The following DOCK8 variants were observed in gnomAD, a reference collection of about 807,000 sequenced individuals.
The protein encoded by DOCK8 is dedicator of cytokinesis 8, also known as dedicator of cytokinesis protein 8.
In DOCK8, 141 loss-of-function variants were observed where a neutral mutation model predicts 245.6. That is an observed-to-expected ratio of 0.57 (90% confidence interval 0.50 to 0.66). The LOEUF is 0.66. Ranked by LOEUF, DOCK8 falls within the 30% of genes least tolerant of loss-of-function variation. The pLI, the probability that DOCK8 is intolerant of heterozygous loss-of-function variation, is 0.00. For missense variants in DOCK8, 2,965 were observed against 2,603.4 expected (o/e 1.14, Z -3.02); for synonymous variants, 1,168 against 970.2 (o/e 1.20, Z -3.79).
chr9:431,323 A>G (rs1041768761), intron 36 of DOCK8, among the ~76,000 whole-genome samples: 1 of 152,184 alleles, frequency 6.6e-6, no homozygotes, highest in Non-Finnish European at 1.5e-5. Flanking sequence ...AGTGATATAT[A>G]AAGATAAATT....
chr9:344,061 AC>A (rs2051745288), intron 14 of DOCK8, among the ~76,000 whole-genome samples: 1 of 152,076 alleles, frequency 6.6e-6, no homozygotes, highest in African/African-American at 2.4e-5. Flanking sequence ...TGAGAAACAG[AC>A]CCACAAATAC....
chr9:421,085 T>C lies in DOCK8; in HGVS notation c.4153+7T>C. The C allele has an allele frequency of 6.2e-7, 1 of 1,613,908 alleles. No individual in the cohort carries two copies. The highest frequency in any genetic ancestry group is 8.5e-7 in the Non-Finnish European group (1 of 1,180,022). ...ATGCGCCGCCGGGCTCCAGGTGTGT[T>C]GGACTGGCCCTTCCCTGCTCTCTGT... is the stretch of plus-strand genomic sequence containing the variant. On this transcript the variant is annotated splice_region_variant and intron_variant, in intron 32 of 47. Transcript: ENST00000432829.
At chr9:234,014 T>G (rs1018880634) in intron 1 of DOCK8, among the ~76,000 whole-genome samples, 1 of 152,318 alleles carries the variant, frequency 6.6e-6, no homozygotes, top group African/African-American at 2.4e-5. Context: ...CAATTTGGCA[T>G]GTTTTTGCAG....
intron 2 of DOCK8, among the ~76,000 whole-genome samples, chr9:276,552 A>G (rs1225903741): frequency 6.6e-6 from 1 of 152,162 alleles, no homozygotes; most frequent in Admixed American, 6.5e-5. Context: ...TTGGTTTTCT[A>G]GATGTGATGA....
chr9:343,234 T>TTTGGGA (rs1435121304), intron 14 of DOCK8, among the ~76,000 whole-genome samples: 2 of 152,258 alleles, frequency 1.3e-5, no homozygotes, highest in East Asian at 3.9e-4. Context: ...ACACAGTGGC[T>TTTGGGA]CACACTGTAA....
chr9:386,793 C>G (rs2053974883), intron 23 of DOCK8, among the ~76,000 whole-genome samples: 1 of 152,240 alleles, frequency 6.6e-6, no homozygotes, highest in African/African-American at 2.4e-5. Context: ...ATTTTGAGAA[C>G]CACTGCATTG....
intron 2 of DOCK8, among the ~76,000 whole-genome samples, chr9:283,873 A>C (rs2048700579): frequency 6.6e-6 from 1 of 152,210 alleles, no homozygotes; most frequent in African/African-American, 2.4e-5. Context: ...TGGATGTCTC[A>C]TTTTGTATAT....
chr9:216,883 A>G (rs962688213), intron 1 of DOCK8, among the ~76,000 whole-genome samples: 2 of 152,138 alleles, frequency 1.3e-5, no homozygotes, highest in Admixed American at 1.3e-4. Context: ...GGGGTTAAGA[A>G]TAAAGGCCCT....
rs1288383389 is a variant in DOCK8, at chr9:452,042, C to G, written c.5993C>G (p.Ala1998Gly). The change falls in exon 46 of 48, where the codon GCT (alanine) becomes GGT (glycine). Residue 1998 changes from alanine (A) to glycine (G), a missense_variant. Ala to Gly is a moderately conservative substitution (Grantham distance 60). Coordinates refer to ENST00000432829, the MANE Select transcript of DOCK8 (RefSeq NM_203447.4). ...CTGGAAGTAGCCCAAGTGTTTTTGG[C>G]TGAAATTCCTGCTGATCCAAAACTC... ...GPLEVAQVFL[A>G]EIPADPKLYR... The G allele has an allele frequency of 6.4e-7, 1 of 1,572,044 alleles. No individual in the cohort carries two copies. The highest frequency in any genetic ancestry group is 8.6e-7 in the Non-Finnish European group (1 of 1,159,762).
intron 1 of DOCK8, among the ~76,000 whole-genome samples, chr9:220,044 T>C (rs1250530361): frequency 1.3e-5 from 2 of 152,234 alleles, no homozygotes; most frequent in African/African-American, 4.8e-5. Context: ...TAGATGTGTA[T>C]CTGCAGTGAG....
chr9:401,077 C>CAGT (rs1182550771), intron 26 of DOCK8, among the ~76,000 whole-genome samples: 1 of 30,128 alleles, frequency 3.3e-5, no homozygotes. Flanking sequence ...CCATCATCAC[C>CAGT]ACCACCACCT....
rs537344709 is a variant in DOCK8, at chr9:274,985, C to T, written c.156+3256C>T. 2.9e-4 allele frequency among the ~76,000 whole-genome samples: 44 copies of T among 152,138 alleles called. 1 individual carries two copies. Among genetic ancestry groups the T allele is most frequent in the Non-Finnish European group, 4.6e-4 (31 of 68,040 alleles). On this transcript the variant is annotated intron_variant, in intron 2 of 47. Coordinates refer to ENST00000432829, the MANE Select transcript of DOCK8 (RefSeq NM_203447.4). ...GTTATTTAGAACCTAATCATTTACA[C>T]GTCTTTGTTGTTGCTGCTGTTTTGC...
intron 26 of DOCK8, among the ~76,000 whole-genome samples, chr9:399,676 CT>C (rs141855208): frequency 0.016 from 2,485 of 152,020 alleles, 71 homozygotes; most frequent in African/African-American, 0.054. Flanking sequence ...TTGAAAGAAC[CT>C]TTTTAAAGTG....
chr9:259,559 A>G (rs1022374240), intron 1 of DOCK8, among the ~76,000 whole-genome samples: 4 of 152,198 alleles, frequency 2.6e-5, no homozygotes, highest in Non-Finnish European at 4.4e-5. Flanking sequence ...AATAGGGATG[A>G]TAAACCTGGT....
intron 1 of DOCK8, among the ~76,000 whole-genome samples, chr9:226,729 TTAA>T (rs2046997325): frequency 6.6e-6 from 1 of 152,122 alleles, no homozygotes; most frequent in South Asian, 2.1e-4. Context: ...AATCAAGGGT[TTAA>T]CTGGGGACAT....
intron 2 of DOCK8, among the ~76,000 whole-genome samples, chr9:279,941 C>T (rs1384849654): frequency 6.6e-6 from 1 of 152,188 alleles, no homozygotes; most frequent in Non-Finnish European, 1.5e-5. Context: ...TTTCACTATC[C>T]TATTTGTGAA....
intron 1 of DOCK8, among the ~76,000 whole-genome samples, chr9:250,800 G>C (rs529242396): frequency 7.2e-5 from 11 of 152,334 alleles, no homozygotes; most frequent in African/African-American, 2.6e-4. Context: ...ATTAAAACAG[G>C]ACAGGAAGGA....
At chr9:300,860 C>T (rs1211359209) in intron 4 of DOCK8, among the ~76,000 whole-genome samples, 2 of 151,926 alleles carry the variant, frequency 1.3e-5, no homozygotes, top group Non-Finnish European at 2.9e-5. Context: ...AATACAAAAC[C>T]CACCCCAAAA....
At chr9:406,399 A>G (rs1310275929) in intron 27 of DOCK8, among the ~76,000 whole-genome samples, 1 of 150,818 alleles carries the variant, frequency 6.6e-6, no homozygotes, top group Non-Finnish European at 1.5e-5. Flanking sequence ...AGGCATGAGA[A>G]TTGCTTGAAC....
Sources: gnomAD v4.1 joint callset for allele counts (sites outside exome capture counted in the v4.1 genomes callset) on GRCh38, gnomAD v4.1.1 for gene constraint, MANE v1.5 for transcripts, NCBI Gene and HGNC (gene_info 2026-07-23, HGNC 2026-07-21) for gene names.